Variants in LMO7 observed in about 807,000 individuals in gnomAD.
The protein encoded by LMO7 is LIM domain only protein 7.
In LMO7, 120 loss-of-function variants were observed where a neutral mutation model predicts 206.5. The ratio of observed to expected loss-of-function variants is 0.58; its 90% CI spans 0.50 to 0.68. The LOEUF (loss-of-function observed/expected upper bound fraction) is 0.68, where lower values mean the gene tolerates loss of function less well. Among genes scored for constraint, LMO7 ranks in the 30% least tolerant of loss-of-function variants. The pLI, the probability that LMO7 is intolerant of heterozygous loss-of-function variation, is 0.00. For missense variants in LMO7, 1,959 were observed against 1,957.9 expected (o/e 1.00, Z -0.01); for synonymous variants, 706 against 681.5 (o/e 1.04, Z -0.56).
chr13:75,649,098 A>G (rs2037317883), intron 1 of LMO7, among the ~76,000 whole-genome samples: 1 of 152,232 alleles, frequency 6.6e-6, no homozygotes, highest in African/African-American at 2.4e-5. Context: ...TTCTGTGGGC[A>G]GGACAGTGAA....
intron 4 of LMO7, among the ~76,000 whole-genome samples, chr13:75,771,807 T>C (rs757539805): frequency 1.2e-4 from 18 of 152,076 alleles, no homozygotes; most frequent in Non-Finnish European, 2.5e-4. Context: ...AGATTAATAA[T>C]GTGAAGTTCT....
intron 1 of LMO7, among the ~76,000 whole-genome samples, chr13:75,663,432 C>CTTTCTTTTTTTTTTTT (rs1555289857): frequency 1.8e-5 from 2 of 111,408 alleles, no homozygotes; most frequent in African/African-American, 3.8e-5. Context: ...TTCTTTCTTT[C>CTTTCTTTTTTTTTTTT]TTTTTTTTTT....
chr13:75,804,587 A>C, intron 8 of LMO7, 46 bp downstream of exon 8: 5 of 1,578,336 alleles, frequency 3.2e-6, no homozygotes, highest in Non-Finnish European at 4.3e-6. Flanking sequence ...CTTTTCGAAT[A>C]TGGTAGGATG....
At chr13:75,850,727 G>C (rs746350493) in intron 27 of LMO7, among the ~76,000 whole-genome samples, 1 of 152,164 alleles carries the variant, frequency 6.6e-6, no homozygotes, top group African/African-American at 2.4e-5. Context: ...TTTACAGTAG[G>C]GATTGGTAAG....
At chr13:75,686,768 G>T (rs1313632929) in intron 1 of LMO7, among the ~76,000 whole-genome samples, 1 of 152,082 alleles carries the variant, frequency 6.6e-6, no homozygotes, top group Non-Finnish European at 1.5e-5. Flanking sequence ...AGAGTATATA[G>T]GGTGCATGGC....
chr13:75,621,744 C>T, exon 1 of LMO7: 1 of 1,610,650 alleles, frequency 6.2e-7, no homozygotes, highest in Non-Finnish European at 8.5e-7. Context: ...GTTGGATGTC[C>T]TATGATGTTC....
At chr13:75,732,280 G>A (rs1418181064) in intron 3 of LMO7, among the ~76,000 whole-genome samples, 1 of 151,934 alleles carries the variant, frequency 6.6e-6, no homozygotes, top group Non-Finnish European at 1.5e-5. Context: ...CATAGATTTG[G>A]TCTTTTCACA....
intron 19 of LMO7, 21 bp downstream of exon 19, chr13:75,836,478 T>A: frequency 8.0e-7 from 1 of 1,248,084 alleles, no homozygotes; most frequent in Non-Finnish European, 1.1e-6. Context: ...CCTTTATAAC[T>A]TACATTTATA....
intron 1 of LMO7, among the ~76,000 whole-genome samples, chr13:75,657,950 C>A (rs2038212148): frequency 6.6e-6 from 1 of 152,076 alleles, no homozygotes; most frequent in Non-Finnish European, 1.5e-5. Context: ...TCTATATATC[C>A]TTCTGATGCC....
intron 3 of LMO7, among the ~76,000 whole-genome samples, chr13:75,739,560 A>G (rs1566374539): frequency 6.6e-6 from 1 of 152,114 alleles, no homozygotes; most frequent in Non-Finnish European, 1.5e-5. Flanking sequence ...TCTTACTGCT[A>G]TTTTCTGGAA....
At chr13:75,751,534 T>A (rs1397556199) in intron 3 of LMO7, among the ~76,000 whole-genome samples, 2 of 152,162 alleles carry the variant, frequency 1.3e-5, no homozygotes, top group Non-Finnish European at 2.9e-5. Flanking sequence ...AAAGTAATCA[T>A]GACAAGAGTA....
At chr13:75,630,148 T>C (rs563669952) in intron 2 of LMO7, among the ~76,000 whole-genome samples, 2 of 152,368 alleles carry the variant, frequency 1.3e-5, no homozygotes, top group Admixed American at 6.5e-5. Flanking sequence ...AGTTATACTG[T>C]GTTTTTTAAC....
chr13:75,804,249 A>G, intron 7 of LMO7, 40 bp from the exon 8 acceptor site: 2 of 1,593,060 alleles, frequency 1.3e-6, no homozygotes, highest in Admixed American at 3.4e-5. Flanking sequence ...TTAGGCGAAT[A>G]ATCTGGAGAG....
chr13:75,637,179 G>A (rs186576018), intron 1 of LMO7, among the ~76,000 whole-genome samples: 2 of 151,634 alleles, frequency 1.3e-5, no homozygotes, highest in Non-Finnish European at 2.9e-5. Flanking sequence ...AGTGTGGAGG[G>A]GGGGAGCGGA....
intron 1 of LMO7, among the ~76,000 whole-genome samples, chr13:75,706,432 T>G (rs999357381): frequency 1.3e-5 from 2 of 152,314 alleles, no homozygotes; most frequent in Admixed American, 6.5e-5. Context: ...AAAAATCAGA[T>G]TTTTCGAGTT....
At chr13:75,740,133 A>G (rs550850262) in intron 3 of LMO7, among the ~76,000 whole-genome samples, 1 of 152,332 alleles carries the variant, frequency 6.6e-6, no homozygotes, top group African/African-American at 2.4e-5. Context: ...GGCTTGGATG[A>G]GTTACAGGAA....
intron 1 of LMO7, among the ~76,000 whole-genome samples, chr13:75,650,551 G>C (rs2037454990): frequency 6.6e-6 from 1 of 151,944 alleles, no homozygotes; most frequent in Admixed American, 6.6e-5. Flanking sequence ...TAGTTGACTT[G>C]ACTGAAATGT....
Position 75,848,113 on chromosome 13 carries a change from A to T in LMO7, c.4151-966A>T, listed in dbSNP as rs1482142817. Among the ~76,000 whole-genome samples the T allele has an allele frequency of 2.0e-5, 3 of 152,138 alleles. No homozygotes were observed. In the East Asian group the frequency reaches 5.8e-4, roughly 29 times the overall value. ...TTTGGGGAACAGGTGGTATTTGGTTACATGAGTAAGTTCTTTAGTGGTGAT... is the reference window on the plus strand; with the variant it reads ...TTTGGGGAACAGGTGGTATTTGGTTTCATGAGTAAGTTCTTTAGTGGTGAT... On this transcript the variant is annotated intron_variant, in intron 26 of 30. Transcript: ENST00000377534.
chr13:75,711,113 A>G (rs555935154), intron 1 of LMO7, among the ~76,000 whole-genome samples: 1,662 of 152,242 alleles, frequency 0.011, 19 homozygotes, highest in Non-Finnish European at 0.015. Flanking sequence ...ATTGATTTGC[A>G]TATGTTGAAC....
Sources: gnomAD v4.1 joint callset for allele counts (sites outside exome capture counted in the v4.1 genomes callset) on GRCh38, gnomAD v4.1.1 for gene constraint, MANE v1.5 for transcripts, NCBI Gene and HGNC (gene_info 2026-07-23, HGNC 2026-07-21) for gene names.